Variants in MYO1E observed in about 807,000 individuals in gnomAD.
MYO1E encodes myosin IE, also known as unconventional myosin-Ie.
A neutral mutation model predicts 151.1 loss-of-function variants in MYO1E; 68 were observed. The observed-to-expected ratio is 0.45, with a 90% CI of 0.37 to 0.55. The LOEUF is 0.55. MYO1E is among the 20% of genes least tolerant of loss of function. MYO1E has a pLI of 0.00. For synonymous variants in MYO1E, 601 were observed against 501.7 expected (o/e 1.20, Z -2.64); for missense variants, 1,363 against 1,389.3 (o/e 0.98, Z 0.30).
chr15:59,242,471 C>T (rs2080105805), intron 4 of MYO1E, among the ~76,000 whole-genome samples: 1 of 152,006 alleles, frequency 6.6e-6, no homozygotes, highest in Non-Finnish European at 1.5e-5. Flanking sequence ...AAATAGGAAG[C>T]CATAATTCCA....
chr15:59,241,223 G>T (rs538775492), intron 4 of MYO1E, among the ~76,000 whole-genome samples: 1 of 152,318 alleles, frequency 6.6e-6, no homozygotes, highest in African/African-American at 2.4e-5. Flanking sequence ...ACCATGGGTA[G>T]TTAAACAGGA....
At chr15:59,226,944 A>G (rs947209077) in intron 7 of MYO1E, among the ~76,000 whole-genome samples, 8 of 152,224 alleles carry the variant, frequency 5.3e-5, no homozygotes, top group African/African-American at 1.4e-4. Flanking sequence ...CAACTTTTCA[A>G]TTTGGCATTA....
chr15:59,153,685 C>A lies in MYO1E; in HGVS notation c.2985G>T (p.Pro995=). Residue 995 remains proline, a synonymous_variant, in exon 26 of 28, where the codon CCG becomes CCT. Coordinates refer to ENST00000288235, the MANE Select transcript of MYO1E (RefSeq NM_004998.4). The stretch of plus-strand genomic sequence containing the variant: ...TGGTAGACTGCTGCCGAGGCAAGGG[C>A]GGGCGGGCCATGGAGGTGTACAGGC... The part of the protein sequence containing the change: ...QKSLYTSMAR[P]PLPRQQSTSS... The A allele has an allele frequency of 1.2e-6, 2 of 1,614,156 alleles. No homozygotes were observed. Among genetic ancestry groups the A allele is most frequent in the Non-Finnish European group, 1.7e-6 (2 of 1,180,030 alleles).
At chr15:59,355,201 C>T (rs985081143) in intron 1 of MYO1E, among the ~76,000 whole-genome samples, 6 of 152,176 alleles carry the variant, frequency 3.9e-5, no homozygotes, top group Admixed American at 1.3e-4. Context: ...GTGTCCCTCT[C>T]CGTCGTGACT....
chr15:59,143,056 G>T (rs1253921076), intron 26 of MYO1E, among the ~76,000 whole-genome samples: 4 of 152,122 alleles, frequency 2.6e-5, no homozygotes, highest in African/African-American at 9.7e-5. Flanking sequence ...GCAAAAAGCT[G>T]TGTGTATGTG....
chr15:59,140,478 CA>C (rs1266074980), intron 26 of MYO1E, among the ~76,000 whole-genome samples: 1 of 152,214 alleles, frequency 6.6e-6, no homozygotes, highest in African/African-American at 2.4e-5. Flanking sequence ...CATTTCCCTA[CA>C]AAACAAACTT....
intron 2 of MYO1E, among the ~76,000 whole-genome samples, chr15:59,265,151 T>A (rs1427642733): frequency 6.6e-6 from 1 of 152,192 alleles, no homozygotes; most frequent in Non-Finnish European, 1.5e-5. Flanking sequence ...CATGTCTACA[T>A]CTATCCCCAG....
At chr15:59,259,660 A>C (rs1390314254) in intron 3 of MYO1E, among the ~76,000 whole-genome samples, 1 of 152,252 alleles carries the variant, frequency 6.6e-6, no homozygotes, top group Non-Finnish European at 1.5e-5. Flanking sequence ...AGCTATGGGC[A>C]GTGGGGGAAA....
intron 5 of MYO1E, among the ~76,000 whole-genome samples, chr15:59,236,341 G>A (rs1370706939): frequency 2.9e-4 from 21 of 72,860 alleles, no homozygotes; most frequent in African/African-American, 1.2e-3. Flanking sequence ...GCAAGACTCT[G>A]TCTCAAAAAA....
At chr15:59,290,476 C>A (rs1240431927) in intron 1 of MYO1E, among the ~76,000 whole-genome samples, 1 of 152,142 alleles carries the variant, frequency 6.6e-6, no homozygotes, top group Non-Finnish European at 1.5e-5. Context: ...AGCTTTGGAG[C>A]CACCCTGCGA....
intron 22 of MYO1E, among the ~76,000 whole-genome samples, chr15:59,171,002 A>G (rs563301283): frequency 6.6e-6 from 1 of 152,282 alleles, no homozygotes; most frequent in South Asian, 2.1e-4. Context: ...GCTTTTCCTG[A>G]TTAAAGTAGT....
chr15:59,301,111 G>A (rs947272081), intron 1 of MYO1E, among the ~76,000 whole-genome samples: 10 of 151,920 alleles, frequency 6.6e-5, no homozygotes, highest in African/African-American at 9.7e-5. Context: ...CAGGTGATAC[G>A]TCTGCCTCGA....
In MYO1E at chr15:59,205,415, A is replaced by G. The variant is rs765382171; in HGVS notation, c.1601T>C (p.Met534Thr). The change falls in exon 15 of 28, where the codon ATG (methionine) becomes ACG (threonine). Residue 534 changes from methionine (M) to threonine (T), a missense_variant. Transcript: ENST00000288235. ...ACATACTTACAGCTCGCTGCTCTGC[A>G]TAAGCTCGATGAGATCCATAAAAAG... ...DVLFMDLIEL[M>T]QSSELPFIKS... is the part of the protein sequence containing the mutation. 8.7e-6 allele frequency: 14 copies of G among 1,614,202 alleles called. No homozygotes were observed. Among genetic ancestry groups the G allele is most frequent in the Non-Finnish European group, 3.4e-6 (4 of 1,180,040 alleles).
Position 59,214,140 on chromosome 15 carries a change from A to T in MYO1E, c.1275+88T>A, listed in dbSNP as rs942791136. 3.5e-6 allele frequency: 4 copies of T among 1,136,972 alleles called. No homozygotes were observed. The East Asian group carries it at 1.0e-4, about 29-fold the overall frequency. 70.4% of individuals were successfully genotyped at this position (1,136,972 alleles called of 1,614,324 possible). ...ATTTCCTAATATAAGACTGGAACCG[A>T]AATCTATTAACAAAAGACAGAAATC... On this transcript the variant is annotated intron_variant, in intron 12 of 27. Transcript: ENST00000288235.
At chr15:59,166,113 G>C (rs1596348622) in intron 22 of MYO1E, among the ~76,000 whole-genome samples, 1 of 152,190 alleles carries the variant, frequency 6.6e-6, no homozygotes, top group Non-Finnish European at 1.5e-5. Flanking sequence ...AATGAGAAGA[G>C]ATGTGTTTGG....
chr15:59,213,136 T>TTATTA (rs1555411636), intron 12 of MYO1E, among the ~76,000 whole-genome samples: 2 of 139,370 alleles, frequency 1.4e-5, no homozygotes, highest in African/African-American at 5.5e-5. Context: ...GAACTATTTA[T>TTATTA]TTATTATTAT....
chr15:59,357,919 T>C (rs1348146932), intron 1 of MYO1E, among the ~76,000 whole-genome samples: 2 of 152,072 alleles, frequency 1.3e-5, no homozygotes, highest in Admixed American at 1.3e-4. Context: ...ATGAATTTGG[T>C]CAGCTGATAT....
At chr15:59,239,706 A>G (rs1196019005) in intron 4 of MYO1E, among the ~76,000 whole-genome samples, 2 of 152,212 alleles carry the variant, frequency 1.3e-5, no homozygotes, top group East Asian at 3.8e-4. Context: ...AGCAACTATG[A>G]TCTTTTCCAG....
At chr15:59,164,124 G>T (rs1485400806) in intron 22 of MYO1E, among the ~76,000 whole-genome samples, 1 of 152,188 alleles carries the variant, frequency 6.6e-6, no homozygotes, top group Non-Finnish European at 1.5e-5. Flanking sequence ...GGTCAGGGGA[G>T]GTTGATGAGA....
Sources: allele counts gnomAD v4.1 joint callset (sites outside exome capture counted in the v4.1 genomes callset), GRCh38; gene constraint gnomAD v4.1.1; transcripts MANE v1.5; gene names NCBI Gene and HGNC (gene_info 2026-07-23, HGNC 2026-07-21).